DNAJB6: variants seen among roughly 807,000 people sequenced by gnomAD.
DNAJB6 encodes dnaJ homolog subfamily B member 6.
Under a neutral mutation model 42.7 loss-of-function variants are expected in DNAJB6, and 16 were observed. The ratio of observed to expected loss-of-function variants is 0.37; its 90% CI spans 0.25 to 0.57. DNAJB6 has a LOEUF of 0.57. DNAJB6 is among the 20% of genes least tolerant of loss of function. The pLI, the probability that DNAJB6 is intolerant of heterozygous loss-of-function variation, is 0.74. For synonymous variants in DNAJB6, 170 were observed against 163.5 expected (o/e 1.04, Z -0.30); for missense variants, 347 against 416.8 (o/e 0.83, Z 1.46).
intron 8 of DNAJB6, among the ~76,000 whole-genome samples, chr7:157,396,379 C>T (rs981591532): frequency 5.3e-5 from 8 of 152,218 alleles, no homozygotes; most frequent in South Asian, 4.1e-4. Flanking sequence ...CCTAGGGTTC[C>T]GTTTATAAAG....
intron 9 of DNAJB6, chr7:157,413,421 C>T (rs1563155813): frequency 6.6e-6 from 1 of 152,224 alleles, no homozygotes; most frequent in African/African-American, 2.4e-5. Context: ...GGGAATCTAA[C>T]CCTGCCCTCA....
chr7:157,392,186 A>G (rs1392337426), intron 8 of DNAJB6, among the ~76,000 whole-genome samples: 1 of 151,314 alleles, frequency 6.6e-6, no homozygotes, highest in East Asian at 1.9e-4. Context: ...CTGTGTCCTC[A>G]CGCTTGCTAG....
intron 4 of DNAJB6, among the ~76,000 whole-genome samples, chr7:157,366,902 T>C (rs950511284): frequency 6.6e-6 from 1 of 152,314 alleles, no homozygotes; most frequent in African/African-American, 2.4e-5. Context: ...ATAATGACTT[T>C]GAAGGGCGTG....
At position 157,405,723 on chromosome 7, in the gene DNAJB6, G is replaced by A. The variant is rs911671599; in HGVS notation, c.692-4072G>A. On this transcript the variant is annotated intron_variant, in intron 8 of 9. Transcript: ENST00000262177. ...AAACCCGAACCTCAGGGCTGATCCC[G>A]TTGTGGCCAGGAGGAAGAATGGATA... 5.3e-5 allele frequency among the ~76,000 whole-genome samples: 8 copies of A among 152,220 alleles called. No homozygotes were observed. The South Asian group carries it at 8.3e-4, about 16-fold the overall frequency.
chr7:157,341,716 A>G (rs1015603352), intron 1 of DNAJB6, among the ~76,000 whole-genome samples: 1 of 152,230 alleles, frequency 6.6e-6, no homozygotes, highest in Non-Finnish European at 1.5e-5. Flanking sequence ...AGGAATGTCC[A>G]GGACACAGAG....
intron 1 of DNAJB6, among the ~76,000 whole-genome samples, chr7:157,353,325 G>A (rs1388165070): frequency 6.6e-6 from 1 of 152,060 alleles, no homozygotes; most frequent in Non-Finnish European, 1.5e-5. Flanking sequence ...AAGTTGTAAA[G>A]ATAGTACAGG....
intron 1 of DNAJB6, among the ~76,000 whole-genome samples, chr7:157,338,812 G>A (rs772067909): frequency 6.6e-6 from 1 of 152,204 alleles, no homozygotes; most frequent in African/African-American, 2.4e-5. Flanking sequence ...CCTTAAGTTG[G>A]TAGATGTGGA....
At chr7:157,352,278 A>C (rs1291410974) in intron 1 of DNAJB6, among the ~76,000 whole-genome samples, 2 of 152,000 alleles carry the variant, frequency 1.3e-5, no homozygotes, top group Non-Finnish European at 2.9e-5. Context: ...GCAGTGAGCC[A>C]AAATTGTGCT....
chr7:157,390,710 C>T (rs1460000388), intron 8 of DNAJB6, among the ~76,000 whole-genome samples: 2 of 152,190 alleles, frequency 1.3e-5, no homozygotes, highest in African/African-American at 2.4e-5. Context: ...CTCTGCCTTC[C>T]CACAGCTGCC....
chr7:157,387,095 C>T (rs763143141), intron 8 of DNAJB6, among the ~76,000 whole-genome samples: 2 of 152,172 alleles, frequency 1.3e-5, no homozygotes, highest in South Asian at 2.1e-4. Flanking sequence ...GTGTTCCATC[C>T]GTGCTGGCTT....
intron 7 of DNAJB6, 40 bp downstream of exon 7, chr7:157,385,048 G>A (rs1445689951): frequency 3.1e-6 from 5 of 1,595,644 alleles, no homozygotes; most frequent in Non-Finnish European, 4.3e-6. Flanking sequence ...TAGTAAGCAG[G>A]CGTAACGTTT....
At position 157,395,100 on chromosome 7, in the gene DNAJB6, G is replaced by GCC. The variant is rs912139519; in HGVS notation, c.691+9495_691+9496dup. Among the ~76,000 whole-genome samples, 4 of 127,594 alleles carry GCC rather than the reference G, an allele frequency of 3.1e-5. No homozygotes were observed. The East Asian group carries it at 8.2e-4, about 26-fold the overall frequency. 83.7% of individuals were successfully genotyped at this position (127,594 alleles called of 152,430 possible). ...CAGAGCAAGACCCTGTGCCCGCCGC[G>GCC]CCCCCCCACCTCCCAAAAAACCCCA... On this transcript the variant is annotated intron_variant, in intron 8 of 9. Transcript: ENST00000262177.
chr7:157,403,843 G>C (rs189060758), intron 8 of DNAJB6, among the ~76,000 whole-genome samples: 2 of 152,174 alleles, frequency 1.3e-5, no homozygotes, highest in Non-Finnish European at 2.9e-5. Context: ...GTGTGGACTC[G>C]CAGCGGAAGC....
chr7:157,347,683 C>T (rs1020309675), intron 1 of DNAJB6, among the ~76,000 whole-genome samples: 33 of 152,222 alleles, frequency 2.2e-4, no homozygotes, highest in African/African-American at 7.2e-4. Flanking sequence ...CCCCCTTAAT[C>T]GGCTAATAAT....
At chr7:157,392,640 G>A (rs1226626820) in intron 8 of DNAJB6, among the ~76,000 whole-genome samples, 1 of 152,142 alleles carries the variant, frequency 6.6e-6, no homozygotes, top group African/African-American at 2.4e-5. Flanking sequence ...ATCCGGAAGC[G>A]CAGCTCCTTT....
chr7:157,342,583 A>G (rs1798458303), intron 1 of DNAJB6, among the ~76,000 whole-genome samples: 2 of 151,948 alleles, frequency 1.3e-5, no homozygotes, highest in African/African-American at 4.8e-5. Flanking sequence ...TGGCCTCCCA[A>G]AGTGTTGGGA....
At chr7:157,401,910 C>T (rs1038654488) in intron 8 of DNAJB6, among the ~76,000 whole-genome samples, 4 of 152,158 alleles carry the variant, frequency 2.6e-5, no homozygotes, top group South Asian at 2.1e-4. Context: ...TTGCAGAGGC[C>T]GGCTCTTCCT....
chr7:157,356,438 G>C (rs998332142), intron 1 of DNAJB6, among the ~76,000 whole-genome samples: 4 of 152,168 alleles, frequency 2.6e-5, no homozygotes, highest in Admixed American at 2.0e-4. Context: ...TACGGGAGTC[G>C]ACTCCTGTCT....
rs1228805395 is a variant in DNAJB6 at position 157,339,598 on chromosome 7, CTT to C, written c.-27+2457_-27+2458del. On this transcript the variant is annotated intron_variant, in intron 1 of 9. Transcript: ENST00000262177. ...ACAGGCATGAGCCACCGCGCCCGGC[CTT>C]TTGTGTGTGTGTGTGTGTGTGTGTG... 2.6e-3 allele frequency among the ~76,000 whole-genome samples: 349 copies of C among 134,300 alleles called. 2 individuals are homozygous for C. Among genetic ancestry groups the C allele is most frequent in the East Asian group, 0.013 (60 of 4,536 alleles). 88.1% of individuals were successfully genotyped at this position (134,300 alleles called of 152,430 possible). A position where few individuals can be genotyped will look rare whatever the true frequency, so the allele number is the denominator to read the frequency against.
Sources: gnomAD v4.1 joint callset for allele counts (sites outside exome capture counted in the v4.1 genomes callset) on GRCh38, gnomAD v4.1.1 for gene constraint, MANE v1.5 for transcripts, NCBI Gene and HGNC (gene_info 2026-07-23, HGNC 2026-07-21) for gene names.